Variants in SUPT3H observed in about 807,000 individuals in gnomAD.
SUPT3H encodes the protein SPT3 homolog, SAGA and STAGA complex component, also known as transcription initiation protein SPT3 homolog.
Under a neutral mutation model 44.3 loss-of-function variants are expected in SUPT3H, and 44 were observed. That is an observed-to-expected ratio of 0.99 (90% CI 0.78 to 1.28). The LOEUF is 1.28. SUPT3H is among the 50% of genes most tolerant of loss of function. The pLI is 0.00. For missense variants in SUPT3H, 380 were observed against 387.1 expected (o/e 0.98, Z 0.15); for synonymous variants, 124 against 125.6 (o/e 0.99, Z 0.09).
chr6:44,915,833 A>G (rs1402306789), intron 10 of SUPT3H, among the ~76,000 whole-genome samples: 1 of 152,122 alleles, frequency 6.6e-6, no homozygotes, highest in Non-Finnish European at 1.5e-5. Flanking sequence ...AGACCAATAA[A>G]TGTACTTGAT....
intron 6 of SUPT3H, among the ~76,000 whole-genome samples, chr6:44,962,461 G>A (rs1215365877): frequency 6.6e-6 from 1 of 151,970 alleles, no homozygotes; most frequent in East Asian, 1.9e-4. Context: ...ATAGTTTGGT[G>A]GGAAAGAATA....
intron 9 of SUPT3H, among the ~76,000 whole-genome samples, chr6:44,948,106 T>C (rs1773643639): frequency 6.6e-6 from 1 of 152,180 alleles, no homozygotes; most frequent in Non-Finnish European, 1.5e-5. Context: ...GATCAGATGG[T>C]TGTGGATGTG....
chr6:44,811,171 C>T (rs1217963284), intron 11 of SUPT3H, among the ~76,000 whole-genome samples: 2 of 152,144 alleles, frequency 1.3e-5, no homozygotes, highest in Non-Finnish European at 2.9e-5. Context: ...GTCATGTCTC[C>T]TTAGGCTCCT....
rs545060845 is a variant in SUPT3H, at chr6:45,346,544, TA to T, written c.101+18656del. On this transcript the variant is annotated intron_variant, in intron 2 of 10. Transcript: ENST00000371459. ...ATCATCTAGCCAAATGCCTGGCATA[TA>T]ATAGGAATTCAATAAACATTTCTTT... Among the ~76,000 whole-genome samples, 459 of 150,604 alleles carry T rather than the reference TA, an allele frequency of 3.0e-3. 5 individuals carry two copies. The highest frequency in any genetic ancestry group is 0.015 in the South Asian group (71 of 4,774).
At chr6:44,961,722 T>C in intron 7 of SUPT3H, 31 bp downstream of exon 7, 2 of 1,538,234 alleles carry the variant, frequency 1.3e-6, no homozygotes, top group Non-Finnish European at 1.8e-6. Flanking sequence ...CTCTTATGCA[T>C]ATAATTAAGC....
At chr6:44,955,573 G>A (rs569334237) in intron 7 of SUPT3H, 2 of 152,486 alleles carry the variant, frequency 1.3e-5, no homozygotes, top group African/African-American at 4.8e-5. Context: ...GCCACAGCAA[G>A]CCCCGCCCAA....
intron 3 of SUPT3H, among the ~76,000 whole-genome samples, chr6:45,068,385 G>T (rs1210654897): frequency 1.4e-5 from 2 of 146,428 alleles, no homozygotes; most frequent in African/African-American, 5.1e-5. Flanking sequence ...AGTGGGTGCA[G>T]CACACCAGCA....
chr6:44,923,422 C>T (rs1488134219), intron 10 of SUPT3H, among the ~76,000 whole-genome samples: 1 of 151,948 alleles, frequency 6.6e-6, no homozygotes, highest in Non-Finnish European at 1.5e-5. Context: ...TTATGTCATC[C>T]ACTGTTTTAT....
chr6:45,272,863 A>C (rs576315865), intron 2 of SUPT3H, among the ~76,000 whole-genome samples: 1 of 152,300 alleles, frequency 6.6e-6, no homozygotes, highest in African/African-American at 2.4e-5. Context: ...TCCCCAAAAA[A>C]ACTGTTGCCA....
intron 3 of SUPT3H, among the ~76,000 whole-genome samples, chr6:45,043,175 A>ACACG (rs1562325588): frequency 5.3e-5 from 8 of 150,596 alleles, no homozygotes; most frequent in South Asian, 2.1e-4. Flanking sequence ...ACACACGCAC[A>ACACG]CACACAAACA....
At chr6:45,178,479 C>A (rs901355585) in intron 2 of SUPT3H, among the ~76,000 whole-genome samples, 1 of 151,864 alleles carries the variant, frequency 6.6e-6, no homozygotes, top group African/African-American at 2.4e-5. Context: ...GACTTTAACA[C>A]CCCACTGTCA....
chr6:45,352,089 T>C (rs1792179403), intron 2 of SUPT3H, among the ~76,000 whole-genome samples: 2 of 152,230 alleles, frequency 1.3e-5, no homozygotes, highest in South Asian at 2.1e-4. Flanking sequence ...TAATTAGGCA[T>C]AGCTGAAAAT....
At chr6:44,937,459 A>C (rs906106916) in intron 9 of SUPT3H, among the ~76,000 whole-genome samples, 1 of 151,512 alleles carries the variant, frequency 6.6e-6, no homozygotes, top group Non-Finnish European at 1.5e-5. Flanking sequence ...ACGCCACTGC[A>C]CTCCAGCCTG....
intron 2 of SUPT3H, among the ~76,000 whole-genome samples, chr6:45,205,054 CG>C (rs1333098313): frequency 1.3e-5 from 2 of 152,104 alleles, no homozygotes; most frequent in African/African-American, 4.8e-5. Context: ...AATAATATCT[CG>C]TAGATTCCAG....
chr6:44,886,768 T>C (rs1390628298), intron 10 of SUPT3H, among the ~76,000 whole-genome samples: 1 of 152,032 alleles, frequency 6.6e-6, no homozygotes, highest in East Asian at 1.9e-4. Context: ...CACATAACAA[T>C]ATTAACTTTA....
intron 10 of SUPT3H, among the ~76,000 whole-genome samples, chr6:44,896,689 C>A (rs1448163738): frequency 6.6e-6 from 1 of 152,094 alleles, no homozygotes; most frequent in Non-Finnish European, 1.5e-5. Flanking sequence ...ATTTTGCTTT[C>A]CTGTAAGTAA....
intron 10 of SUPT3H, among the ~76,000 whole-genome samples, chr6:44,889,681 C>G (rs987888688): frequency 5.7e-4 from 87 of 152,264 alleles, no homozygotes; most frequent in Non-Finnish European, 6.6e-4. Flanking sequence ...CTAGGCATTA[C>G]TATTCAGGAC....
intron 2 of SUPT3H, among the ~76,000 whole-genome samples, chr6:45,196,225 T>C (rs1025897321): frequency 7.9e-5 from 12 of 152,090 alleles, no homozygotes; most frequent in African/African-American, 2.7e-4. Context: ...CTAAAAATAC[T>C]GTCCCGCAGC....
intron 2 of SUPT3H, among the ~76,000 whole-genome samples, chr6:45,344,086 A>G (rs1436990320): frequency 1.3e-5 from 2 of 152,200 alleles, no homozygotes; most frequent in African/African-American, 4.8e-5. Context: ...TTGTCAAACT[A>G]AAGAGCAATT....
Sources: allele counts gnomAD v4.1 joint callset (sites outside exome capture counted in the v4.1 genomes callset), GRCh38; gene constraint gnomAD v4.1.1; transcripts MANE v1.5; gene names NCBI Gene and HGNC (gene_info 2026-07-23, HGNC 2026-07-21).